The following GLIS3 variants were observed in gnomAD, a reference collection of about 807,000 sequenced individuals.
GLIS3 encodes the protein zinc finger protein GLIS3.
GLIS3 carries 53 observed loss-of-function variants against 78.6 expected under a neutral mutation model. The ratio of observed to expected loss-of-function variants is 0.67; its 90% confidence interval spans 0.54 to 0.85. The LOEUF (loss-of-function observed/expected upper bound fraction) is 0.85. GLIS3 is among the 40% of genes least tolerant of loss of function. The pLI is 0.00. For missense variants in GLIS3, 1,703 were observed against 1,231.1 expected, an observed-to-expected ratio of 1.38 and a Z score of -5.74; for synonymous variants, 684 against 509.9, an observed-to-expected ratio of 1.34 and a Z score of -4.60.
rs370022678 is a variant in GLIS3, at chr9:4,185,661, G to A, written c.389-59720C>T. Among the ~76,000 whole-genome samples the A allele has an allele frequency of 3.9e-5, 6 of 152,344 alleles. No individual in the cohort carries two copies. In the East Asian group the frequency reaches 7.7e-4, roughly 20 times the overall value. On this transcript the variant is annotated intron_variant, in intron 2 of 10. Coordinates refer to ENST00000381971, the MANE Select transcript of GLIS3 (RefSeq NM_001042413.2). ...ATATAAAGGTAATGGCCAGTTTGAA[G>A]AAGGGAATCAGTCAATCATGTGGAT...
At chr9:4,466,696 A>G in the GLIS3 span, among the ~76,000 whole-genome samples, 3 of 152,362 alleles carry the variant, frequency 2.0e-5, no homozygotes, top group East Asian at 5.8e-4. Context: ...GAACAGCTCC[A>G]GAATACAGCT....
intron 7 of GLIS3, among the ~76,000 whole-genome samples, chr9:3,888,231 C>G (rs1822207329): frequency 6.6e-6 from 1 of 152,038 alleles, no homozygotes; most frequent in Non-Finnish European, 1.5e-5. Flanking sequence ...TACTTGGCCA[C>G]AAAAAACAAA....
chr9:4,125,632 G>T, intron 3 of GLIS3, 102 bp downstream of exon 3: 1 of 793,626 alleles, frequency 1.3e-6, no homozygotes, highest in Non-Finnish European at 2.1e-6. Context: ...GTAAGTGTAT[G>T]AGTGTGTGTG....
At chr9:3,945,611 G>C (rs915430312) in intron 4 of GLIS3, among the ~76,000 whole-genome samples, 3 of 152,150 alleles carry the variant, frequency 2.0e-5, no homozygotes, top group African/African-American at 4.8e-5. Context: ...ATATAAAAAT[G>C]AGATGGCTAC....
chr9:4,068,037 C>T (rs1468135234), intron 4 of GLIS3, among the ~76,000 whole-genome samples: 1 of 151,902 alleles, frequency 6.6e-6, no homozygotes, highest in African/African-American at 2.4e-5. Context: ...CTGAAAAAAT[C>T]CTCAAAAAAC....
intron 1 of GLIS3, among the ~76,000 whole-genome samples, chr9:4,292,753 A>T (rs932535723): frequency 6.6e-6 from 1 of 152,216 alleles, no homozygotes; most frequent in Non-Finnish European, 1.5e-5. Context: ...TGCAGGGGAT[A>T]GGTAACTTCC....
intron 7 of GLIS3, among the ~76,000 whole-genome samples, chr9:3,889,654 G>C (rs1822294499): frequency 1.3e-5 from 2 of 152,288 alleles, no homozygotes; most frequent in South Asian, 4.1e-4. Context: ...TCAGATGTAA[G>C]TATAAAACAG....
At chr9:4,200,948 G>C (rs1380290563) in intron 2 of GLIS3, among the ~76,000 whole-genome samples, 2 of 152,094 alleles carry the variant, frequency 1.3e-5, no homozygotes, top group Non-Finnish European at 2.9e-5. Context: ...ACAAAATCTA[G>C]CAAACCAAAT....
At chr9:3,995,284 T>C (rs1820655465) in intron 4 of GLIS3, among the ~76,000 whole-genome samples, 1 of 152,154 alleles carries the variant, frequency 6.6e-6, no homozygotes, top group Admixed American at 6.5e-5. Context: ...AAAACTGATA[T>C]TTTAGTTTAA....
chr9:4,217,669 G>A (rs900781424), intron 2 of GLIS3, among the ~76,000 whole-genome samples: 3 of 152,154 alleles, frequency 2.0e-5, no homozygotes, highest in African/African-American at 4.8e-5. Context: ...AAGCCAATGT[G>A]GTTTAATTTA....
chr9:3,904,305 C>T (rs1488302195), intron 6 of GLIS3, among the ~76,000 whole-genome samples: 2 of 152,124 alleles, frequency 1.3e-5, no homozygotes, highest in African/African-American at 4.8e-5. Flanking sequence ...AGTGAAAAGC[C>T]TGAAGAGCAA....
At position 4,286,171 on chromosome 9, in the gene GLIS3, G is replaced by A. The variant is rs1444995657; in HGVS notation, c.255C>T (p.Ser85=). The change falls in exon 2 of 11, where the codon AGC becomes AGT. Residue 85 remains serine, a synonymous_variant. Transcript: ENST00000381971. ...AESRIHLPAL[S]PRRQMLTNGK... ...CATTGGTGAGCATTTGTCTCCTGGG[G>A]CTTAAGGCAGGCAGATGGATGCGGC... is the stretch of plus-strand genomic sequence containing the variant. The A allele has an allele frequency of 6.2e-7, 1 of 1,614,222 alleles. No individual in the cohort carries two copies. Among genetic ancestry groups the A allele is most frequent in the Non-Finnish European group, 8.5e-7 (1 of 1,180,040 alleles).
In GLIS3 at chr9:4,278,224, C is replaced by G. The variant is rs545947888; in HGVS notation, c.388+7814G>C. On this transcript the variant is annotated intron_variant, in intron 2 of 10. Transcript: ENST00000381971. ...TCACTATCTTTCTCTAATATATTTC[C>G]TAACTCTGTCCGTAGAAAAGGCTTA... 3.3e-5 allele frequency among the ~76,000 whole-genome samples: 5 copies of G among 152,254 alleles called. No homozygotes were observed. In the South Asian group the frequency reaches 1.0e-3, roughly 32 times the overall value.
At chr9:4,266,080 G>A (rs1399114796) in intron 2 of GLIS3, among the ~76,000 whole-genome samples, 5 of 151,808 alleles carry the variant, frequency 3.3e-5, no homozygotes, top group African/African-American at 9.7e-5. Flanking sequence ...CACCATGCCC[G>A]GCTAATTTTT....
chr9:4,043,287 G>A (rs1262666912), intron 4 of GLIS3, among the ~76,000 whole-genome samples: 1 of 152,082 alleles, frequency 6.6e-6, no homozygotes. Context: ...CAAGTATGAA[G>A]TGTAGAGTGT....
chr9:4,221,509 A>T (rs1279920887), intron 2 of GLIS3, among the ~76,000 whole-genome samples: 1 of 152,218 alleles, frequency 6.6e-6, no homozygotes, highest in African/African-American at 2.4e-5. Context: ...GATGAATGGA[A>T]ATGTAAAGAT....
chr9:3,909,914 G>C (rs561070413), intron 6 of GLIS3, among the ~76,000 whole-genome samples: 1 of 152,286 alleles, frequency 6.6e-6, no homozygotes, highest in Admixed American at 6.5e-5. Context: ...TAATGCAACT[G>C]AGGAACTTTT....
chr9:3,937,375 C>A (rs887908599), intron 4 of GLIS3, among the ~76,000 whole-genome samples, 186 bp from the exon 5 acceptor site: 1 of 152,130 alleles, frequency 6.6e-6, no homozygotes, highest in African/African-American at 2.4e-5. Context: ...CATTTTTCCA[C>A]TGAATATACA....
intron 4 of GLIS3, among the ~76,000 whole-genome samples, chr9:4,039,220 A>G (rs529742908): frequency 1.3e-4 from 20 of 152,174 alleles, no homozygotes; most frequent in Admixed American, 2.6e-4. Context: ...AGGGTCCTAC[A>G]TATTTATTCA....
Sources: gnomAD v4.1 joint callset for allele counts (sites outside exome capture counted in the v4.1 genomes callset) on GRCh38, gnomAD v4.1.1 for gene constraint, MANE v1.5 for transcripts, NCBI Gene and HGNC (gene_info 2026-07-23, HGNC 2026-07-21) for gene names.